TRHDE: variants seen among roughly 807,000 people sequenced by gnomAD.
The protein encoded by TRHDE is thyrotropin-releasing hormone-degrading ectoenzyme.
In TRHDE, 72 loss-of-function variants were observed where a neutral mutation model predicts 125.7. The ratio of observed to expected loss-of-function variants is 0.57; its 90% CI spans 0.47 to 0.70. The LOEUF is 0.70. Among genes scored for constraint, TRHDE ranks in the 30% least tolerant of loss-of-function variants. The probability of loss-of-function intolerance (pLI) is 0.00; values close to 1 mark genes in which losing one functional copy is unlikely to be tolerated. For missense variants in TRHDE, 1,110 were observed against 1,327.1 expected (o/e 0.84, Z 2.54); for synonymous variants, 509 against 509.1 (o/e 1.00, Z 0.00).
chr12:72,336,061 A>T (rs1394458773), intron 2 of TRHDE, among the ~76,000 whole-genome samples: 2 of 152,226 alleles, frequency 1.3e-5, no homozygotes, highest in South Asian at 2.1e-4. Context: ...TAGAGCATTT[A>T]TGGTGAGGCT....
chr12:72,151,812 T>G (rs1876373625), intron 2 of TRHDE, among the ~76,000 whole-genome samples: 1 of 152,332 alleles, frequency 6.6e-6, no homozygotes, highest in African/African-American at 2.4e-5. Context: ...TGTAGTATAG[T>G]TTGAAGTCAG....
chr12:72,575,119 A>T (rs1317891027), intron 10 of TRHDE, 136 bp from the exon 11 acceptor site: 3 of 793,930 alleles, frequency 3.8e-6, no homozygotes, highest in Non-Finnish European at 5.9e-6. Flanking sequence ...GATTAATTAA[A>T]GAGTAGGCTT....
intron 2 of TRHDE, among the ~76,000 whole-genome samples, chr12:72,110,049 T>A (rs1015138796): frequency 6.6e-6 from 1 of 152,100 alleles, no homozygotes; most frequent in Non-Finnish European, 1.5e-5. Flanking sequence ...AGCCATCACA[T>A]CACGTTCCTA....
chr12:72,641,210 G>A (rs1452827543), intron 15 of TRHDE, among the ~76,000 whole-genome samples: 1 of 151,826 alleles, frequency 6.6e-6, no homozygotes, highest in African/African-American at 2.4e-5. Context: ...TTTTTTCTTT[G>A]GCAAGTATAA....
chr12:72,580,490 G>A (rs891900048), intron 12 of TRHDE, among the ~76,000 whole-genome samples: 6 of 152,154 alleles, frequency 3.9e-5, no homozygotes, highest in African/African-American at 4.8e-5. Flanking sequence ...TACCCAGGCC[G>A]GAGTGCAATG....
intron 18 of TRHDE, among the ~76,000 whole-genome samples, chr12:72,661,609 A>G (rs1874920745): frequency 6.6e-6 from 1 of 152,144 alleles, no homozygotes; most frequent in Non-Finnish European, 1.5e-5. Flanking sequence ...TCTTGTGTTA[A>G]TCAGATAAAG....
chr12:72,481,357 C>T (rs2135913480), intron 5 of TRHDE, among the ~76,000 whole-genome samples: 1 of 149,016 alleles, frequency 6.7e-6, no homozygotes, highest in South Asian at 2.1e-4. Flanking sequence ...AGAAAAGAGC[C>T]TCCTGTGAAG....
rs138403811 is a variant in TRHDE, at chr12:72,229,720, T to C, written n.279+123968T>C. 2.1e-3 allele frequency among the ~76,000 whole-genome samples: 320 copies of C among 152,316 alleles called. 5 individuals are homozygous for C. The highest frequency in any genetic ancestry group is 0.015 in the Admixed American group (227 of 15,292). ...ATTTTAATTAAAATTAGCTTAACTA[T>C]TTATACCGATACATAGCTTGAAATA... On this transcript the variant is annotated intron_variant and non_coding_transcript_variant, in intron 2 of 4. Transcript: ENST00000548156.
intron 2 of TRHDE, chr12:72,140,213 A>G (rs1171253669): frequency 6.6e-6 from 1 of 152,174 alleles, no homozygotes; most frequent in Admixed American, 6.6e-5. Flanking sequence ...GAATACATAC[A>G]TACAGTCTAT....
chr12:72,398,356 G>A (rs1872893771), intron 3 of TRHDE, among the ~76,000 whole-genome samples: 1 of 152,080 alleles, frequency 6.6e-6, no homozygotes, highest in Non-Finnish European at 1.5e-5. Flanking sequence ...CCCAGTAATG[G>A]GATGGCTGGG....
At chr12:72,644,979 G>C (rs932168279) in intron 15 of TRHDE, among the ~76,000 whole-genome samples, 2 of 152,168 alleles carry the variant, frequency 1.3e-5, no homozygotes, top group Admixed American at 1.3e-4. Flanking sequence ...GTTAGTAGAG[G>C]TTCCCAGAAT....
At position 72,596,009 on chromosome 12, in the gene TRHDE, G is replaced by T. The variant is rs577914824; in HGVS notation, c.2321+20467G>T. On this transcript the variant is annotated intron_variant, in intron 12 of 18. Transcript: ENST00000261180. ...CATCAGTTTAGAACAAATTATTCAG[G>T]GTTGATATTATTGAAAATATATACC... Among the ~76,000 whole-genome samples the T allele has an allele frequency of 2.6e-5, 4 of 151,872 alleles. No individual in the cohort carries two copies. The South Asian group carries it at 8.3e-4, about 32-fold the overall frequency.
At chr12:72,099,938 A>G (rs1338579219) in intron 1 of TRHDE, among the ~76,000 whole-genome samples, 1 of 152,206 alleles carries the variant, frequency 6.6e-6, no homozygotes, top group Non-Finnish European at 1.5e-5. Context: ...CAGAAATCCC[A>G]GGAAAATATC....
At chr12:72,155,627 G>A (rs1480884282) in intron 2 of TRHDE, among the ~76,000 whole-genome samples, 1 of 152,186 alleles carries the variant, frequency 6.6e-6, no homozygotes, top group African/African-American at 2.4e-5. Flanking sequence ...ACCCTCAGCT[G>A]CAGGTGTATT....
At chr12:72,356,101 C>A (rs1240265614) in intron 2 of TRHDE, among the ~76,000 whole-genome samples, 2 of 151,618 alleles carry the variant, frequency 1.3e-5, no homozygotes, top group African/African-American at 4.8e-5. Context: ...ATGTTCATTG[C>A]AGCACTATTC....
At chr12:72,284,450 G>T (rs1345118939) in intron 1 of TRHDE, among the ~76,000 whole-genome samples, 1 of 152,106 alleles carries the variant, frequency 6.6e-6, no homozygotes, top group East Asian at 1.9e-4. Context: ...CATTATGTAA[G>T]ATAAAAGCAT....
chr12:72,570,785 G>A (rs1369819461), intron 10 of TRHDE, among the ~76,000 whole-genome samples: 1 of 152,122 alleles, frequency 6.6e-6, no homozygotes, highest in African/African-American at 2.4e-5. Context: ...CAGCGTTTGC[G>A]CAGTAGATAA....
At chr12:72,531,909 C>T (rs569461026) in intron 6 of TRHDE, among the ~76,000 whole-genome samples, 1 of 152,204 alleles carries the variant, frequency 6.6e-6, no homozygotes, top group South Asian at 2.1e-4. Flanking sequence ...GATTCACCAT[C>T]TTTTTCTATT....
rs1879288823 is a variant in TRHDE at position 72,272,794 on chromosome 12, G to A, written c.151G>A (p.Ala51Thr). ...CGCAGCCGCGATGGGGGAAGACGAC[G>A]CCGCGCTTCGGGCTGGCAGCAGGGG... is the stretch of plus-strand genomic sequence containing the variant. ...PFAAAMGEDD[A>T]ALRAGSRGLS... Residue 51 changes from alanine (A) to threonine (T), a missense_variant, in exon 1 of 19, where the codon GCC (alanine) becomes ACC (threonine). Ala to Thr is a moderately conservative substitution (Grantham distance 58, BLOSUM62 0). Around this residue, in one of 5 missense-constraint regions of TRHDE, gnomAD observed 248 missense variants for 240.8 expected, o/e 1.03. Coordinates refer to ENST00000261180, the MANE Select transcript of TRHDE (RefSeq NM_013381.3). This position sits in a 1 kb window ranked among gnomAD's most constrained non-coding sequence, Gnocchi z 6.7. 5 of 1,560,944 alleles carry A rather than the reference G, an allele frequency of 3.2e-6. No individual in the cohort carries two copies. The highest frequency in any genetic ancestry group is 1.7e-5 in the Admixed American group (1 of 58,000).
Sources: gnomAD v4.1 joint callset for allele counts (sites outside exome capture counted in the v4.1 genomes callset) on GRCh38, gnomAD v4.1.1 for gene constraint, gnomAD v4.1.1 regional missense constraint, Gnocchi (gnomAD v3.1) non-coding constraint, MANE v1.5 for transcripts, NCBI Gene and HGNC (gene_info 2026-07-23, HGNC 2026-07-21) for gene names.